Variants in CR1L observed in about 807,000 individuals in gnomAD.
CR1L encodes the protein complement C3b/C4b receptor 1 like.
Under a neutral mutation model 62.3 loss-of-function variants are expected in CR1L, and 59 were observed. That is an observed-to-expected ratio of 0.95 (90% CI 0.77 to 1.18). The LOEUF (loss-of-function observed/expected upper bound fraction) is 1.18, where lower values mean the gene tolerates loss of function less well. Among genes scored for constraint, CR1L ranks in the 50% most tolerant of loss-of-function variants. CR1L has a pLI of 0.00. For synonymous variants in CR1L, 279 were observed against 248.7 expected (o/e 1.12, Z -1.15); for missense variants, 700 against 702.8 (o/e 1.00, Z 0.04).
At chr1:207,666,747 T>C (rs1184966351) in intron 1 of CR1L, among the ~76,000 whole-genome samples, 1 of 152,166 alleles carries the variant, frequency 6.6e-6, no homozygotes, top group Non-Finnish European at 1.5e-5. Flanking sequence ...AAATAACTAA[T>C]GGTACTAGGC....
At chr1:207,648,290 A>AT (rs1466872580) in intron 1 of CR1L, among the ~76,000 whole-genome samples, 1 of 152,048 alleles carries the variant, frequency 6.6e-6, no homozygotes, top group Non-Finnish European at 1.5e-5. Flanking sequence ...GGAACATAGA[A>AT]TTATAAAATG....
At chr1:207,676,114 GAAGCTAC>G (rs1266007487) in intron 1 of CR1L, among the ~76,000 whole-genome samples, 1 of 152,186 alleles carries the variant, frequency 6.6e-6, no homozygotes, top group Non-Finnish European at 1.5e-5. Context: ...GGATGGGAGA[GAAGCTAC>G]AACACAGGCA....
intron 1 of CR1L, among the ~76,000 whole-genome samples, chr1:207,655,762 A>G (rs1663298754): frequency 6.6e-6 from 1 of 152,240 alleles, no homozygotes; most frequent in African/African-American, 2.4e-5. Context: ...GAATAGATGC[A>G]ATACAAATTA....
chr1:207,696,733 G>A (rs1244340237), intron 5 of CR1L, among the ~76,000 whole-genome samples: 1 of 152,172 alleles, frequency 6.6e-6, no homozygotes, highest in African/African-American at 2.4e-5. Flanking sequence ...TTTTATAACA[G>A]TTTTATATAA....
chr1:207,697,749 G>T (rs781679676), intron 6 of CR1L, 22 bp from the exon 7 acceptor site: 1 of 1,613,866 alleles, frequency 6.2e-7, no homozygotes, highest in Non-Finnish European at 8.5e-7. Flanking sequence ...AGTTATTTCT[G>T]TTCGTTTTTC....
At chr1:207,708,041 TG>T in intron 9 of CR1L, 136 bp from the exon 10 acceptor site, 1 of 1,024,858 alleles carries the variant, frequency 9.8e-7, no homozygotes, top group Non-Finnish European at 1.5e-6. Flanking sequence ...GTAGAAAAGC[TG>T]GGAACAATAG....
chr1:207,670,002 C>A lies in CR1L; in HGVS notation c.98-7387C>A, dbSNP rs536567478. On this transcript the variant is annotated intron_variant, in intron 1 of 11. Coordinates refer to ENST00000508064, the MANE Select transcript of CR1L (RefSeq NM_175710.2). ...GTTAGCACACCTAAGTCTGTTTGCTCTTCTGTAAAATGGGGACACTGGTAT... is the reference window on the plus strand; with the variant it reads ...GTTAGCACACCTAAGTCTGTTTGCTATTCTGTAAAATGGGGACACTGGTAT... 6.0e-4 allele frequency among the ~76,000 whole-genome samples: 91 copies of A among 151,202 alleles called. 3 individuals are homozygous for A. The highest frequency in any genetic ancestry group is 2.2e-3 in the African/African-American group (91 of 40,504).
intron 1 of CR1L, among the ~76,000 whole-genome samples, chr1:207,676,455 T>C (rs1663694577): frequency 6.6e-6 from 1 of 152,114 alleles, no homozygotes; most frequent in Non-Finnish European, 1.5e-5. Flanking sequence ...GAAACCCTAT[T>C]GTGAACTGTG....
At chr1:207,698,294 T>C (rs1279388269) in intron 7 of CR1L, among the ~76,000 whole-genome samples, 1 of 152,210 alleles carries the variant, frequency 6.6e-6, no homozygotes, top group Admixed American at 6.5e-5. Context: ...ATCATTTCAG[T>C]AAATTCTTTA....
intron 3 of CR1L, among the ~76,000 whole-genome samples, chr1:207,679,016 A>G (rs1383600731): frequency 4.6e-5 from 5 of 108,024 alleles, no homozygotes; most frequent in African/African-American, 7.4e-5. Context: ...TTTTTTTTTG[A>G]GATGGAGTCT....
chr1:207,671,827 A>G (rs2102454202), intron 1 of CR1L, among the ~76,000 whole-genome samples: 1 of 150,968 alleles, frequency 6.6e-6, no homozygotes, highest in Non-Finnish European at 1.5e-5. Flanking sequence ...AGGCTGAGGC[A>G]GGAGAATCTC....
chr1:207,675,716 A>G (rs1283221951), intron 1 of CR1L, among the ~76,000 whole-genome samples: 1 of 152,212 alleles, frequency 6.6e-6, no homozygotes, highest in South Asian at 2.1e-4. Context: ...AACAAACAAG[A>G]TATTTCCAAA....
chr1:207,681,443 C>T (rs969000791), intron 3 of CR1L, among the ~76,000 whole-genome samples: 12 of 152,202 alleles, frequency 7.9e-5, no homozygotes, highest in Non-Finnish European at 1.2e-4. Context: ...TGGATTTTGT[C>T]TCTCTGCCTT....
At chr1:207,717,134 G>C (rs1458413474) in intron 10 of CR1L, among the ~76,000 whole-genome samples, 3 of 152,108 alleles carry the variant, frequency 2.0e-5, no homozygotes, top group Non-Finnish European at 4.4e-5. Flanking sequence ...GTCAACCCAG[G>C]AATCTTACTA....
intron 1 of CR1L, chr1:207,657,308 C>A: frequency 1.7e-6 from 2 of 1,207,290 alleles, no homozygotes; most frequent in South Asian, 1.2e-5. Flanking sequence ...TCATGCTGCT[C>A]CAGAGTGTAA....
intron 9 of CR1L, among the ~76,000 whole-genome samples, chr1:207,706,032 T>C (rs796425285): frequency 4.9e-5 from 6 of 123,208 alleles, no homozygotes; most frequent in African/African-American, 1.4e-4. Flanking sequence ...TATATATATA[T>C]ATATATATAT....
At chr1:207,655,677 A>G (rs1663296650) in intron 1 of CR1L, among the ~76,000 whole-genome samples, 1 of 152,176 alleles carries the variant, frequency 6.6e-6, no homozygotes, top group South Asian at 2.1e-4. Flanking sequence ...TGCTCAAGCA[A>G]TCTGCCCCCG....
intron 2 of CR1L, among the ~76,000 whole-genome samples, 199 bp downstream of exon 2, chr1:207,677,767 A>C (rs1393158256): frequency 6.6e-6 from 1 of 152,248 alleles, no homozygotes; most frequent in Non-Finnish European, 1.5e-5. Context: ...ATTTCATGAG[A>C]AACCGTCATT....
chr1:207,720,188 T>G (rs1050726736), intron 11 of CR1L, among the ~76,000 whole-genome samples: 38 of 152,194 alleles, frequency 2.5e-4, no homozygotes, highest in Middle Eastern at 3.2e-3. Flanking sequence ...TTTGTCTCTC[T>G]GAACTAAGAC....
Sources: allele counts gnomAD v4.1 joint callset (sites outside exome capture counted in the v4.1 genomes callset), GRCh38; gene constraint gnomAD v4.1.1; transcripts MANE v1.5; gene names NCBI Gene and HGNC (gene_info 2026-07-23, HGNC 2026-07-21).